SYNRG: variants seen among roughly 807,000 people sequenced by gnomAD.
SYNRG encodes AP1 gamma subunit binding protein 1.
SYNRG carries 37 observed loss-of-function variants against 130.9 expected under a neutral mutation model. That is an observed-to-expected ratio of 0.28 (90% CI 0.22 to 0.37). The LOEUF is 0.37. Among genes scored for constraint, SYNRG ranks in the 10% least tolerant of loss-of-function variants. The pLI, the probability that SYNRG is intolerant of heterozygous loss-of-function variation, is 1.00. For synonymous variants in SYNRG, 539 were observed against 568.1 expected (o/e 0.95, Z 0.73); for missense variants, 1,338 against 1,588.9 (o/e 0.84, Z 2.68).
chr17:37,552,192 G>T (rs2058759762), intron 14 of SYNRG, among the ~76,000 whole-genome samples: 1 of 152,070 alleles, frequency 6.6e-6, no homozygotes, highest in Admixed American at 6.6e-5. Context: ...TCCTTCATAT[G>T]CATAATACAT....
rs1333902271 is a variant in SYNRG at position 37,570,901 on chromosome 17, A to G, written c.1099-16T>C. On this transcript the variant is annotated splice_polypyrimidine_tract_variant and intron_variant, in intron 9 of 21. Transcript: ENST00000612223. ...GAACGCCCCTCTACAAATGATAGAAAGAAAATGGATTAGAGGATTGTAAAC... is the reference window on the plus strand; with the variant it reads ...GAACGCCCCTCTACAAATGATAGAAGGAAAATGGATTAGAGGATTGTAAAC... 1 of 1,606,974 alleles carries G rather than the reference A, an allele frequency of 6.2e-7. No homozygotes were observed. Among genetic ancestry groups the G allele is most frequent in the South Asian group, 1.1e-5 (1 of 90,248 alleles).
chr17:37,609,160 C>G, intron 1 of SYNRG, 119 bp downstream of exon 1: 1 of 1,157,824 alleles, frequency 8.6e-7, no homozygotes, highest in Non-Finnish European at 1.1e-6. Context: ...GATGACCCTC[C>G]TCCCGCAGCC....
At chr17:37,598,270 A>T (rs1340048557) in intron 2 of SYNRG, among the ~76,000 whole-genome samples, 3 of 152,226 alleles carry the variant, frequency 2.0e-5, no homozygotes, top group Non-Finnish European at 2.9e-5. Flanking sequence ...AATCAGAAAA[A>T]GTTTTACCAA....
chr17:37,553,041 T>G, intron 14 of SYNRG, 74 bp downstream of exon 14: 1 of 1,406,194 alleles, frequency 7.1e-7, no homozygotes, highest in African/African-American at 1.4e-5. Flanking sequence ...GCCTTACTCA[T>G]GTAAATCAAC....
At chr17:37,572,125 G>A (rs2146034741) in intron 8 of SYNRG, 138 bp from the exon 9 acceptor site, 2 of 732,056 alleles carry the variant, frequency 2.7e-6, no homozygotes, top group South Asian at 1.9e-5. Context: ...GGTTTAAATT[G>A]CTTTAAACAT....
At chr17:37,557,122 T>C (rs1285123612) in intron 13 of SYNRG, 1 of 152,242 alleles carries the variant, frequency 6.6e-6, no homozygotes, top group African/African-American at 2.4e-5. Context: ...GTTAGATTTT[T>C]GGTTAATGTC....
intron 10 of SYNRG, 48 bp downstream of exon 10, chr17:37,570,589 G>A (rs776072846): frequency 6.4e-7 from 1 of 1,565,564 alleles, no homozygotes; most frequent in East Asian, 2.3e-5. Context: ...ATGGTGCCCA[G>A]ATTCACTTTC....
intron 3 of SYNRG, among the ~76,000 whole-genome samples, chr17:37,594,207 CAATATTAATTATTTTAATTATAT>C (rs2062490541): frequency 1.1e-5 from 1 of 93,220 alleles, no homozygotes; most frequent in African/African-American, 5.0e-5. Flanking sequence ...ATATTAATTA[CAATATTAATTATTTTAATTATAT>C]TAATTACAAT....
At chr17:37,554,763 C>T (rs974652005) in intron 13 of SYNRG, among the ~76,000 whole-genome samples, 1 of 152,100 alleles carries the variant, frequency 6.6e-6, no homozygotes, top group Non-Finnish European at 1.5e-5. Flanking sequence ...AGTCCTTGAG[C>T]ACTTGAGCTT....
At chr17:37,538,497 C>G (rs2057415402) in intron 17 of SYNRG, 77 bp from the exon 18 acceptor site, 1 of 1,069,292 alleles carries the variant, frequency 9.4e-7, no homozygotes, top group Non-Finnish European at 1.4e-6. Context: ...AGTAGAAAAC[C>G]CAACCGAAAA....
intron 2 of SYNRG, among the ~76,000 whole-genome samples, chr17:37,597,344 G>T (rs1025122182): frequency 6.6e-6 from 1 of 152,152 alleles, no homozygotes; most frequent in African/African-American, 2.4e-5. Flanking sequence ...ATTCCTGACC[G>T]AGAGACACAC....
intron 18 of SYNRG, chr17:37,536,931 G>A (rs1199225043): frequency 2.0e-5 from 3 of 152,278 alleles, no homozygotes; most frequent in African/African-American, 7.2e-5. Context: ...GGGATCTTCA[G>A]AGCGGGGCCT....
chr17:37,571,823 A>C lies in SYNRG; in HGVS notation c.1066T>G (p.Tyr356Asp). ...TPGKLTKEELYTVLAMIAVTQ... is the reference protein window; with the variant it reads ...TPGKLTKEELDTVLAMIAVTQ... ...ACCGCTATCATGGCTAGAACGGTAT[A>C]AAGTTCTTCTTTTGTAAGTTTGCCA... Residue 356 changes from tyrosine to aspartate, a missense_variant, in exon 9 of 22, where the codon TAT (tyrosine) becomes GAT (aspartate). By Grantham distance (160) the Tyr-to-Asp change is radical (BLOSUM62 -3). Transcript: ENST00000612223. The C allele has an allele frequency of 6.2e-7, 1 of 1,614,100 alleles. No individual in the cohort carries two copies. Among genetic ancestry groups the C allele is most frequent in the African/African-American group, 1.3e-5 (1 of 75,044 alleles).
At chr17:37,578,226 G>A (rs572339293) in intron 6 of SYNRG, among the ~76,000 whole-genome samples, 1 of 151,896 alleles carries the variant, frequency 6.6e-6, no homozygotes, top group Admixed American at 6.6e-5. Flanking sequence ...AGCTACTTGG[G>A]AGGCTGAGGC....
At chr17:37,607,558 G>A (rs565117134) in intron 1 of SYNRG, among the ~76,000 whole-genome samples, 1 of 152,274 alleles carries the variant, frequency 6.6e-6, no homozygotes, top group African/African-American at 2.4e-5. Flanking sequence ...GGAGGCCAAG[G>A]TGGGCGGATC....
At position 37,544,503 on chromosome 17, in the gene SYNRG, CG is replaced by C. The variant is rs565575599; in HGVS notation, c.2609-1939del. Among the ~76,000 whole-genome samples the C allele has an allele frequency of 7.2e-5, 11 of 152,062 alleles. No homozygotes were observed. The South Asian group carries it at 2.3e-3, about 32-fold the overall frequency. On this transcript the variant is annotated intron_variant, in intron 14 of 21. Coordinates refer to ENST00000612223, the MANE Select transcript of SYNRG (RefSeq NM_007247.6). ...CTAGTTTTTGTATTTTGAGTAGAGA[CG>C]GGGTTTCACCATGTTGGCCAGGCTG...
chr17:37,538,077 AAC>A (rs2057381327), intron 18 of SYNRG, among the ~76,000 whole-genome samples: 1 of 152,230 alleles, frequency 6.6e-6, no homozygotes, highest in Non-Finnish European at 1.5e-5. Context: ...ATAAACCAGT[AAC>A]ACAGATATAA....
intron 14 of SYNRG, among the ~76,000 whole-genome samples, chr17:37,551,806 A>C (rs1232528955): frequency 6.6e-6 from 1 of 151,824 alleles, no homozygotes; most frequent in African/African-American, 2.4e-5. Flanking sequence ...AAACCAACAA[A>C]ACAAAACCCA....
chr17:37,587,118 T>G (rs12942520), intron 3 of SYNRG, among the ~76,000 whole-genome samples: 67,522 of 151,950 alleles, frequency 0.44, 15,704 homozygotes, highest in East Asian at 0.67. Context: ...CCAGAAATAA[T>G]AATAACACAA....
Sources: allele counts gnomAD v4.1 joint callset (sites outside exome capture counted in the v4.1 genomes callset), GRCh38; gene constraint gnomAD v4.1.1; transcripts MANE v1.5; gene names NCBI Gene and HGNC (gene_info 2026-07-23, HGNC 2026-07-21).